Variants in GABRA3 observed in about 807,000 individuals in gnomAD.
The protein encoded by GABRA3 is gamma-aminobutyric acid type A receptor subunit alpha3, also known as gamma-aminobutyric acid receptor subunit alpha-3.
Under a neutral mutation model 30.1 loss-of-function variants are expected in GABRA3, and 10 were observed. That is an observed-to-expected ratio of 0.33 (90% CI 0.20 to 0.56). GABRA3 has a LOEUF of 0.56. Ranked by LOEUF, GABRA3 falls within the 20% of genes least tolerant of loss-of-function variation. The pLI is 0.89. For missense variants in GABRA3, 233 were observed against 392.0 expected, an observed-to-expected ratio of 0.59 and a Z score of 3.42; for synonymous variants, 151 against 146.8, an observed-to-expected ratio of 1.03 and a Z score of -0.21.
At chrX:152,230,354 T>C (rs975462141) in intron 5 of GABRA3, among the ~76,000 whole-genome samples, 1 of 111,644 alleles carries the variant, frequency 9.0e-6, no homozygotes. Flanking sequence ...GTTCAGACTT[T>C]CCGTGTTCAC....
intron 3 of GABRA3, among the ~76,000 whole-genome samples, chrX:152,309,184 G>A (rs2124458774): frequency 9.0e-6 from 1 of 111,519 alleles, no homozygotes; most frequent in South Asian, 3.9e-4. Context: ...TCAAAGAGAG[G>A]GAGAGAGAAC....
chrX:152,269,604 TA>T (rs1043532484), intron 4 of GABRA3, among the ~76,000 whole-genome samples: 2 of 111,805 alleles, frequency 1.8e-5, no homozygotes, highest in Non-Finnish European at 3.8e-5. Context: ...AAAGCAATAC[TA>T]AAAAAACACC....
At chrX:152,394,805 TCA>T (rs1241659964) in intron 1 of GABRA3, among the ~76,000 whole-genome samples, 7 of 111,534 alleles carry the variant, frequency 6.3e-5, no homozygotes, top group African/African-American at 2.3e-4. Flanking sequence ...CAGGAAAGAA[TCA>T]CAGAGTAAAA....
intron 3 of GABRA3, among the ~76,000 whole-genome samples, chrX:152,295,726 G>C (rs954200643): frequency 1.8e-5 from 2 of 112,228 alleles, no homozygotes; most frequent in African/African-American, 6.5e-5. Flanking sequence ...CAGTCCCAAT[G>C]AGATGAAACG....
At chrX:152,209,625 T>C (rs748828374) in intron 6 of GABRA3, among the ~76,000 whole-genome samples, 1 of 112,498 alleles carries the variant, frequency 8.9e-6, no homozygotes, top group Admixed American at 9.4e-5. Flanking sequence ...TGCAAAACTT[T>C]GCAACATTGG....
chrX:152,342,596 T>C lies in GABRA3; in HGVS notation c.262+2985A>G, dbSNP rs184109969. Among the ~76,000 whole-genome samples, 630 of 111,857 alleles carry C rather than the reference T, an allele frequency of 5.6e-3. 5 individuals are homozygous for C. The highest frequency in any genetic ancestry group is 0.019 in the African/African-American group (577 of 30,769). On this transcript the variant is annotated intron_variant, in intron 3 of 9. Transcript: ENST00000370314. ...TGCTTGGTAATTTTTGACTGGAAAC[T>C]TTTTTCCAGAAAATTTTCTCAAATT...
Position 152,345,843 on chromosome X carries a change from C to T in GABRA3, c.141-141G>A, listed in dbSNP as rs929824214. 2.6e-5 allele frequency: 13 copies of T among 494,454 alleles called. 1 individual carries two copies. In the South Asian group the frequency reaches 6.8e-4, roughly 26 times the overall value. The allele number at this position is 494,454 out of a possible 1,213,427, so 40.7% of individuals were successfully genotyped here. A position where few individuals can be genotyped will look rare whatever the true frequency, so the allele number is the denominator to read the frequency against. On this transcript the variant is annotated intron_variant, in intron 2 of 9. Transcript: ENST00000370314. ...TATATCTTATCCAAAATAGCAATCA[C>T]TACATATTTGTCACAATGATTGCTT...
At chrX:152,417,261 A>G (rs1172150524) in intron 1 of GABRA3, among the ~76,000 whole-genome samples, 1 of 100,877 alleles carries the variant, frequency 9.9e-6, no homozygotes, top group Non-Finnish European at 2.0e-5. Flanking sequence ...GCAGCCAAAA[A>G]ACACATGAAA....
intron 1 of GABRA3, among the ~76,000 whole-genome samples, chrX:152,385,556 G>A (rs1478191882): frequency 8.9e-6 from 1 of 111,924 alleles, no homozygotes; most frequent in Non-Finnish European, 1.9e-5. Context: ...TGTTCACTCT[G>A]ATGGTAGTTT....
At chrX:152,355,800 T>C (rs1226033815) in intron 2 of GABRA3, among the ~76,000 whole-genome samples, 1 of 111,764 alleles carries the variant, frequency 8.9e-6, no homozygotes, top group Non-Finnish European at 1.9e-5. Flanking sequence ...CAACTTGACA[T>C]TGTTCACGTA....
At chrX:152,434,881 A>G (rs760156057) in intron 1 of GABRA3, among the ~76,000 whole-genome samples, 3 of 111,462 alleles carry the variant, frequency 2.7e-5, no homozygotes, top group South Asian at 7.5e-4. Context: ...ATAGAAGGGA[A>G]CTCCCTCAAA....
At chrX:152,183,622 G>T (rs1429472578) in intron 9 of GABRA3, among the ~76,000 whole-genome samples, 3 of 110,717 alleles carry the variant, frequency 2.7e-5, no homozygotes, top group African/African-American at 6.5e-5. Context: ...CTTTTTCTAA[G>T]TTCCTCAAGG....
At chrX:152,267,826 T>C (rs1344187411) in intron 4 of GABRA3, among the ~76,000 whole-genome samples, 2 of 111,427 alleles carry the variant, frequency 1.8e-5, no homozygotes, top group Non-Finnish European at 3.8e-5. Context: ...AATTATTCTT[T>C]TTATTTCTGA....
chrX:152,328,433 C>T (rs1196173013), intron 3 of GABRA3, among the ~76,000 whole-genome samples: 6 of 111,453 alleles, frequency 5.4e-5, no homozygotes, highest in African/African-American at 2.0e-4. Flanking sequence ...TGATGAACAT[C>T]GATGCAAAAA....
chrX:152,405,296 C>T (rs1390610671), intron 1 of GABRA3, among the ~76,000 whole-genome samples: 7 of 89,600 alleles, frequency 7.8e-5, no homozygotes, highest in African/African-American at 3.3e-4. Flanking sequence ...AGGGTACTTA[C>T]GCACCCTTGC....
chrX:152,203,627 G>A (rs1937509251), intron 7 of GABRA3, among the ~76,000 whole-genome samples: 1 of 111,764 alleles, frequency 8.9e-6, no homozygotes, highest in Non-Finnish European at 1.9e-5. Context: ...AGGTGGGGCT[G>A]CCTTCACTTC....
chrX:152,256,007 G>GA lies in GABRA3; in HGVS notation c.331-10dup. 8.8e-7 allele frequency: 1 copy of GA among 1,138,419 alleles called. No individual in the cohort carries two copies. The highest frequency in any genetic ancestry group is 1.2e-6 in the Non-Finnish European group (1 of 839,079). The allele number at this position is 1,138,419 out of a possible 1,213,427, so 93.8% of individuals were successfully genotyped here. On this transcript the variant is annotated splice_polypyrimidine_tract_variant and intron_variant, in intron 4 of 9. Coordinates refer to ENST00000370314, the MANE Select transcript of GABRA3 (RefSeq NM_000808.4). ...ACATCAATAGTGTACTCCTAGGGGTGAAAAGAGAGAAAACAATGTTTCAGT... is the reference window on the plus strand; with the variant it reads ...ACATCAATAGTGTACTCCTAGGGGTGAAAAAGAGAGAAAACAATGTTTCAGT...
At chrX:152,187,608 G>A (rs1937272569) in intron 9 of GABRA3, among the ~76,000 whole-genome samples, 1 of 111,153 alleles carries the variant, frequency 9.0e-6, no homozygotes, top group South Asian at 3.9e-4. Context: ...CTGTGAACAA[G>A]GGAAAGTTCT....
intron 2 of GABRA3, among the ~76,000 whole-genome samples, chrX:152,359,456 A>G (rs1307919928): frequency 9.0e-6 from 1 of 110,943 alleles, no homozygotes; most frequent in Non-Finnish European, 1.9e-5. Flanking sequence ...TTTTTTCTGT[A>G]TTAGAATAAC....
Sources: allele counts gnomAD v4.1 joint callset (sites outside exome capture counted in the v4.1 genomes callset), GRCh38; gene constraint gnomAD v4.1.1; transcripts MANE v1.5; gene names NCBI Gene and HGNC (gene_info 2026-07-23, HGNC 2026-07-21).